The following PUM1 variants were observed in gnomAD, a reference collection of about 807,000 sequenced individuals.
PUM1 encodes the protein pumilio homolog 1.
Under a neutral mutation model 131.8 loss-of-function variants are expected in PUM1, and 13 were observed. The observed-to-expected ratio is 0.10, with a 90% CI of 0.06 to 0.16. The LOEUF (loss-of-function observed/expected upper bound fraction) is 0.16. Ranked by LOEUF, PUM1 falls within the 10% of genes least tolerant of loss-of-function variation. PUM1 has a pLI of 1.00. For synonymous variants in PUM1, 509 were observed against 556.5 expected (o/e 0.91, Z 1.20); for missense variants, 961 against 1,512.4 (o/e 0.64, Z 6.05).
At chr1:31,025,545 C>CTTTTT (rs35510099) in intron 3 of PUM1, among the ~76,000 whole-genome samples, 47 of 88,800 alleles carry the variant, frequency 5.3e-4, no homozygotes, top group Non-Finnish European at 5.9e-4. Context: ...TGTTTTTTGT[C>CTTTTT]TTTTTTTTTT....
chr1:31,059,116 T>C, intron 2 of PUM1, 88 bp downstream of exon 2: 1 of 1,451,280 alleles, frequency 6.9e-7, no homozygotes, highest in Non-Finnish European at 9.3e-7. Context: ...CAATTTAAGT[T>C]TTTAAAGACA....
chr1:30,948,703 T>C (rs993516217), intron 17 of PUM1, among the ~76,000 whole-genome samples: 7 of 152,094 alleles, frequency 4.6e-5, no homozygotes, highest in African/African-American at 9.7e-5. Flanking sequence ...ACAAGGACAA[T>C]TGTGCCACTG....
chr1:31,001,407 T>C (rs910825544), intron 5 of PUM1, among the ~76,000 whole-genome samples: 1 of 152,072 alleles, frequency 6.6e-6, no homozygotes, highest in African/African-American at 2.4e-5. Flanking sequence ...AATTATAAGT[T>C]TGAAACTGCT....
intron 13 of PUM1, 60 bp from the exon 14 acceptor site, chr1:30,964,970 A>C (rs1191064993): frequency 7.3e-5 from 103 of 1,407,540 alleles, no homozygotes; most frequent in Non-Finnish European, 1.0e-4. Context: ...GAACAAGCCC[A>C]GTGACCTGTT....
intron 2 of PUM1, among the ~76,000 whole-genome samples, chr1:31,048,005 C>T (rs1644009891): frequency 6.6e-6 from 1 of 151,572 alleles, no homozygotes; most frequent in Non-Finnish European, 1.5e-5. Flanking sequence ...CTTTGGGAGG[C>T]CGAGGCGGGT....
intron 3 of PUM1, among the ~76,000 whole-genome samples, chr1:31,018,366 A>G (rs1368996396): frequency 1.3e-5 from 2 of 151,430 alleles, no homozygotes; most frequent in African/African-American, 4.9e-5. Flanking sequence ...TAAAAATGAA[A>G]AAAATTAAAG....
At chr1:31,056,968 T>C (rs1644255785) in intron 2 of PUM1, among the ~76,000 whole-genome samples, 1 of 152,022 alleles carries the variant, frequency 6.6e-6, no homozygotes, top group South Asian at 2.1e-4. Flanking sequence ...AATTTCTGCA[T>C]TTTTAGTAGA....
intron 13 of PUM1, 68 bp downstream of exon 13, chr1:30,965,914 C>G: frequency 6.7e-7 from 1 of 1,488,292 alleles, no homozygotes; most frequent in South Asian, 1.3e-5. Context: ...CATGCATTGC[C>G]AGTATTCCAG....
rs199911932 is a variant in PUM1, at chr1:31,052,035, C to T, written c.363+7169G>A. ...AGTAACTTTTTTTTTTCTTTGGAGA[C>T]GGAGTCTTGCTCTGTCGCCCAGGCT... On this transcript the variant is annotated intron_variant, in intron 2 of 21. Transcript: ENST00000426105. Among the ~76,000 whole-genome samples the T allele has an allele frequency of 7.9e-5, 12 of 151,788 alleles. No individual in the cohort carries two copies. In the East Asian group the frequency reaches 1.2e-3, roughly 15 times the overall value.
In PUM1 at chr1:30,950,195, G is replaced by A. The variant is rs1639869552; in HGVS notation, c.2788C>T (p.Leu930=). The part of the protein sequence containing the change: ...RIRGHVLSLA[L]QMYGCRVIQK... ...ATAACACGGCAGCCATACATCTGTA[G>A]TGCCAATGACAGGACGTGGCCTCGA... Residue 930 remains leucine, a synonymous_variant, in exon 17 of 22, where the codon CTA becomes TTA. Transcript: ENST00000426105. 6.2e-7 allele frequency: 1 copy of A among 1,614,148 alleles called. No homozygotes were observed. The highest frequency in any genetic ancestry group is 2.2e-5 in the East Asian group (1 of 44,890).
intron 14 of PUM1, among the ~76,000 whole-genome samples, chr1:30,961,908 T>A (rs1640424374): frequency 6.6e-6 from 1 of 152,204 alleles, no homozygotes; most frequent in Non-Finnish European, 1.5e-5. Context: ...TGATGGCTGG[T>A]GGCAGCAGTG....
Position 30,964,878 on chromosome 1 carries a change from G to C in PUM1, c.2119C>G (p.Arg707Gly). 1 of 1,613,642 alleles carries C rather than the reference G, an allele frequency of 6.2e-7. No individual in the cohort carries two copies. The highest frequency in any genetic ancestry group is 8.5e-7 in the Non-Finnish European group (1 of 1,179,906). Residue 707 changes from arginine (R) to glycine (G), a missense_variant, in exon 14 of 22, where the codon CGT becomes GGT. Physicochemically the swap from Arg to Gly is moderately radical, Grantham distance 125. This residue lies in a region of PUM1 where 654 missense variants were observed against 923.9 expected (regional missense o/e 0.71). Transcript: ENST00000426105. ...ANSNTGSGSR[R>G]DSLTGSSDLY... is the part of the protein sequence containing the mutation. ...TCACTGCTGCCAGTCAGGGAGTCAC[G>C]GCGGGAGCCACTGCCAGTGTTGGAG... is the stretch of plus-strand genomic sequence containing the variant.
intron 15 of PUM1, 143 bp from the exon 16 acceptor site, chr1:30,952,506 T>C: frequency 8.3e-7 from 1 of 1,202,880 alleles, no homozygotes; most frequent in South Asian, 1.6e-5. Flanking sequence ...TAAACCAAAC[T>C]TTATTTGAAT....
chr1:30,961,364 A>G (rs1236732817), intron 14 of PUM1, among the ~76,000 whole-genome samples: 1 of 151,238 alleles, frequency 6.6e-6, no homozygotes, highest in Non-Finnish European at 1.5e-5. Flanking sequence ...AAAAAAAAAA[A>G]ATTATTTTAA....
At chr1:30,947,517 G>A (rs988698492) in intron 17 of PUM1, among the ~76,000 whole-genome samples, 1 of 152,206 alleles carries the variant, frequency 6.6e-6, no homozygotes, top group Non-Finnish European at 1.5e-5. Context: ...TATAGAAAGA[G>A]AGACACTGGG....
chr1:31,056,609 CTTTTTTTTTTTTTTTTTTTTTTTTTTTT>C (rs57685772), intron 2 of PUM1, among the ~76,000 whole-genome samples: 1 of 43,688 alleles, frequency 2.3e-5, no homozygotes. Context: ...CTTTTCTTTT[CTTTTTTTTTTTTTTTTTTTTTTTTTTTT>C]TTTTTTTGAG....
chr1:31,028,670 T>C, intron 3 of PUM1, 126 bp downstream of exon 3: 1 of 848,108 alleles, frequency 1.2e-6, no homozygotes, highest in Non-Finnish European at 2.0e-6. Flanking sequence ...GTTCCTATCA[T>C]GAGAATGGCA....
chr1:31,060,543 T>A (rs549962671), intron 1 of PUM1, among the ~76,000 whole-genome samples: 2 of 152,200 alleles, frequency 1.3e-5, no homozygotes, highest in East Asian at 3.9e-4. Flanking sequence ...TAAACCCATA[T>A]ATAAGTAGCA....
At chr1:31,038,985 T>TATATATATATATATATATATATATA (rs879343889) in intron 2 of PUM1, among the ~76,000 whole-genome samples, 2 of 33,000 alleles carry the variant, frequency 6.1e-5, no homozygotes, top group Non-Finnish European at 9.0e-5. Context: ...TATATATATA[T>TATATATATATATATATATATATATA]TTTTTTTTTT....
Sources: gnomAD v4.1 joint callset for allele counts (sites outside exome capture counted in the v4.1 genomes callset) on GRCh38, gnomAD v4.1.1 for gene constraint, gnomAD v4.1.1 regional missense constraint, MANE v1.5 for transcripts, NCBI Gene and HGNC (gene_info 2026-07-23, HGNC 2026-07-21) for gene names.